MED6: variants seen among roughly 807,000 people sequenced by gnomAD.
MED6 encodes the protein mediator complex subunit 6, also known as mediator of RNA polymerase II transcription subunit 6.
Under a neutral mutation model 37.5 loss-of-function variants are expected in MED6, and 33 were observed. The observed-to-expected ratio is 0.88, with a 90% CI of 0.67 to 1.18. The LOEUF is 1.18. MED6 is among the 50% of genes most tolerant of loss of function. The pLI is 0.00. For missense variants in MED6, 235 were observed against 290.6 expected, an observed-to-expected ratio of 0.81 and a Z score of 1.39; for synonymous variants, 94 against 93.6, an observed-to-expected ratio of 1.00 and a Z score of -0.02.
At chr14:70,597,397 C>A (rs971756410) in intron 2 of MED6, among the ~76,000 whole-genome samples, 7 of 152,262 alleles carry the variant, frequency 4.6e-5, no homozygotes, top group Admixed American at 2.0e-4. Flanking sequence ...AAATCTAAAC[C>A]TGTTATATTG....
Position 70,583,974 on chromosome 14 carries a change from T to A in MED6, c.*839A>T. On this transcript the variant is annotated 3_prime_UTR_variant, in exon 8 of 8. Transcript: ENST00000256379. ...TTAAAAAAAATAAAATTCCTTTTCT[T>A]TATTGAAAAAAGAAGTATCTACACA... is the stretch of plus-strand genomic sequence containing the variant. 1 of 435,544 alleles carries A rather than the reference T, an allele frequency of 2.3e-6. No homozygotes were observed. The allele number at this position is 435,544 out of a possible 1,614,324, so 27.0% of individuals were successfully genotyped here.
chr14:70,586,590 T>C (rs1391880035), intron 6 of MED6, among the ~76,000 whole-genome samples: 6 of 152,232 alleles, frequency 3.9e-5, no homozygotes, highest in Non-Finnish European at 1.5e-5. Flanking sequence ...ATTACTTCCA[T>C]ATCATCTTAG....
chr14:70,596,762 A>G, intron 2 of MED6, 60 bp from the exon 3 acceptor site: 1 of 1,170,836 alleles, frequency 8.5e-7, no homozygotes, highest in South Asian at 1.3e-5. Context: ...ATTTTATAAG[A>G]CATTCAAATT....
chr14:70,597,507 C>T, intron 2 of MED6, 111 bp downstream of exon 2: 1 of 960,392 alleles, frequency 1.0e-6, no homozygotes, highest in Non-Finnish European at 1.4e-6. Flanking sequence ...AACAAAACTC[C>T]AGTTTTTCTT....
intron 1 of MED6, 135 bp from the exon 2 acceptor site, chr14:70,597,912 A>C: frequency 1.3e-4 from 68 of 541,202 alleles, no homozygotes; most frequent in Non-Finnish European, 1.9e-4. Context: ...ACACACTCTC[A>C]TGATGTAACA....
At position 70,592,864 on chromosome 14, in the gene MED6, TGG is replaced by T. The variant is rs1196961040; in HGVS notation, c.466+14_466+15del. 4 of 1,613,058 alleles carry T rather than the reference TGG, an allele frequency of 2.5e-6. No individual in the cohort carries two copies. The African/African-American group carries it at 5.3e-5, about 22-fold the overall frequency. ...GATCAAAAAGTGTTTTAGGAGGGTA[TGG>T]ATGTTCTACTTACCTTGCTCTTCAT... On this transcript the variant is annotated intron_variant, in intron 5 of 7. Coordinates refer to ENST00000256379, the MANE Select transcript of MED6 (RefSeq NM_005466.4).
At chr14:70,588,041 C>T (rs890806333) in intron 6 of MED6, among the ~76,000 whole-genome samples, 5 of 152,162 alleles carry the variant, frequency 3.3e-5, no homozygotes, top group Admixed American at 6.5e-5. Flanking sequence ...TATCCTTATC[C>T]GAACTACAGG....
rs1230216344 is a variant in MED6, at chr14:70,584,918, T to C, written c.636A>G (p.Glu212=). 6.2e-7 allele frequency: 1 copy of C among 1,613,954 alleles called. No individual in the cohort carries two copies. Among genetic ancestry groups the C allele is most frequent in the Non-Finnish European group, 8.5e-7 (1 of 1,179,980 alleles). The change falls in exon 8 of 8, where the codon GAA becomes GAG. Residue 212 remains glutamate, a synonymous_variant. Transcript: ENST00000256379. ...VPVDQTKKEA[E]PIPETVKPEE... is the part of the protein sequence containing the mutation. The stretch of plus-strand genomic sequence containing the variant: ...CAGGTTTTACAGTTTCTGGTATAGG[T>C]TCTGCCTCTTTCTTTGTTTGATCCA...
chr14:70,585,094 AG>A, intron 7 of MED6, 151 bp from the exon 8 acceptor site: 1 of 899,358 alleles, frequency 1.1e-6, no homozygotes, highest in Non-Finnish European at 1.7e-6. Context: ...GATGTATACA[AG>A]AACCCAGTTA....
intron 3 of MED6, chr14:70,594,747 T>C: frequency 2.0e-6 from 1 of 506,168 alleles, no homozygotes; most frequent in Non-Finnish European, 3.6e-6. Flanking sequence ...GGCCATGGGA[T>C]GGCCAGGGTT....
chr14:70,587,732 T>C (rs1236870857), intron 6 of MED6, among the ~76,000 whole-genome samples: 3 of 152,216 alleles, frequency 2.0e-5, no homozygotes, highest in Non-Finnish European at 4.4e-5. Flanking sequence ...GCAAATTTAA[T>C]CAGGTGGCTT....
rs764946061 is a variant in MED6 at position 70,591,279 on chromosome 14, G to A, written c.569C>T (p.Pro190Leu). Residue 190 changes from proline to leucine, a missense_variant, in exon 6 of 8, where the codon CCC becomes CTC. By Grantham distance (98) the Pro-to-Leu change is moderately conservative (BLOSUM62 -3). Transcript: ENST00000256379. Reference protein sequence around the residue: ...LLLDLRQKFPPKFVQLKPGEK... With the variant: ...LLLDLRQKFPLKFVQLKPGEK... ...TATTCTCATTACCTGCACAAATTTG[G>A]GTGGAAATTTTTGTCTGAGGTCTAA... 2.5e-6 allele frequency: 4 copies of A among 1,610,778 alleles called. No individual in the cohort carries two copies. The highest frequency in any genetic ancestry group is 1.7e-5 in the Admixed American group (1 of 59,586).
At chr14:70,598,079 G>A (rs1194254496) in intron 1 of MED6, among the ~76,000 whole-genome samples, 1 of 152,142 alleles carries the variant, frequency 6.6e-6, no homozygotes, top group Non-Finnish European at 1.5e-5. Context: ...TGGATCACCT[G>A]AGGTTGGGAG....
intron 6 of MED6, among the ~76,000 whole-genome samples, chr14:70,587,151 T>C (rs1884733494): frequency 6.6e-6 from 1 of 152,178 alleles, no homozygotes. Flanking sequence ...CACACATATG[T>C]TGCTGCATTT....
At chr14:70,594,798 T>C in intron 3 of MED6, 1 of 595,740 alleles carries the variant, frequency 1.7e-6, no homozygotes, top group Non-Finnish European at 3.1e-6. Context: ...GAGGAGACCA[T>C]GCAAAGCCTG....
intron 1 of MED6, among the ~76,000 whole-genome samples, chr14:70,599,429 T>G (rs1189058250): frequency 6.6e-6 from 1 of 152,192 alleles, no homozygotes; most frequent in African/African-American, 2.4e-5. Context: ...ATTCTACCCT[T>G]GCCCTCCTAC....
At position 70,600,420 on chromosome 14, in the gene MED6, G is replaced by A. The variant is rs375355066; in HGVS notation, c.22+196C>T. On this transcript the variant is annotated intron_variant, in intron 1 of 7. Transcript: ENST00000256379. Reference sequence around the variant, plus strand: ...AACCCCTTCTCTCCGACGCTTCCAAGAGACGCTCCAAGAACTCAGAAAAAA... The same window carrying A: ...AACCCCTTCTCTCCGACGCTTCCAAAAGACGCTCCAAGAACTCAGAAAAAA... Among the ~76,000 whole-genome samples, 15 of 147,366 alleles carry A rather than the reference G, an allele frequency of 1.0e-4. No individual in the cohort carries two copies. In the East Asian group the frequency reaches 1.5e-3, roughly 14 times the overall value.
chr14:70,598,804 A>G (rs1275990630), intron 1 of MED6, among the ~76,000 whole-genome samples: 1 of 152,206 alleles, frequency 6.6e-6, no homozygotes, highest in African/African-American at 2.4e-5. Context: ...TATGCCCAAG[A>G]GAACACATCT....
At position 70,595,149 on chromosome 14, in the gene MED6, G is replaced by GAC. The variant is rs1194081244; in HGVS notation, c.274+1461_274+1462insGT. The GAC allele has an allele frequency of 5.6e-6, 3 of 539,742 alleles. No individual in the cohort carries two copies. The African/African-American group carries it at 5.7e-5, about 10-fold the overall frequency. 33.4% of individuals were successfully genotyped at this position (539,742 alleles called of 1,614,324 possible). ...CCAGTGTCACTCGGCTTCAGCTACAGAGATTGAGGCTCTCAAGGAGGAGCT... is the reference window on the plus strand; with the variant it reads ...CCAGTGTCACTCGGCTTCAGCTACAGACAGATTGAGGCTCTCAAGGAGGAGCT... On this transcript the variant is annotated intron_variant, in intron 3 of 7. Transcript: ENST00000256379.
Sources: allele counts gnomAD v4.1 joint callset (sites outside exome capture counted in the v4.1 genomes callset), GRCh38; gene constraint gnomAD v4.1.1; transcripts MANE v1.5; gene names NCBI Gene and HGNC (gene_info 2026-07-23, HGNC 2026-07-21).